TNIK: variants seen among roughly 807,000 people sequenced by gnomAD.
TNIK encodes the protein TRAF2 and NCK-interacting protein kinase.
In TNIK, 49 loss-of-function variants were observed where a neutral mutation model predicts 191.3. The observed-to-expected ratio is 0.26, with a 90% CI of 0.20 to 0.32. The LOEUF (loss-of-function observed/expected upper bound fraction) is 0.32, where lower values mean the gene tolerates loss of function less well. Among genes scored for constraint, TNIK ranks in the 10% least tolerant of loss-of-function variants. The probability of loss-of-function intolerance (pLI) is 1.00; values close to 1 mark genes in which losing one functional copy is unlikely to be tolerated. For missense variants in TNIK, 1,155 were observed against 1,702.3 expected, an observed-to-expected ratio of 0.68 and a Z score of 5.66; for synonymous variants, 594 against 600.9, an observed-to-expected ratio of 0.99 and a Z score of 0.17.
chr3:171,271,897 T>C (rs1749149683), intron 2 of TNIK, among the ~76,000 whole-genome samples: 1 of 152,246 alleles, frequency 6.6e-6, no homozygotes, highest in South Asian at 2.1e-4. Context: ...GAATTACCTT[T>C]GAGCATTAGA....
chr3:171,220,059 G>A (rs538892755), intron 3 of TNIK, among the ~76,000 whole-genome samples: 4 of 152,302 alleles, frequency 2.6e-5, no homozygotes, highest in Non-Finnish European at 4.4e-5. Flanking sequence ...ATGCTACACA[G>A]CCATAAGAAA....
chr3:171,374,158 G>A (rs551459977), intron 1 of TNIK, among the ~76,000 whole-genome samples: 3 of 152,276 alleles, frequency 2.0e-5, no homozygotes, highest in East Asian at 1.9e-4. Flanking sequence ...TAGAGCCAAA[G>A]GTCTAGCAAA....
At chr3:171,101,390 C>T in intron 22 of TNIK, 59 bp downstream of exon 22, 1 of 1,515,570 alleles carries the variant, frequency 6.6e-7, no homozygotes, top group Non-Finnish European at 8.8e-7. Context: ...ATTTTTTTGT[C>T]CTTTTATTTT....
At chr3:171,438,322 G>A (rs926161395) in intron 1 of TNIK, among the ~76,000 whole-genome samples, 45 of 152,300 alleles carry the variant, frequency 3.0e-4, no homozygotes, top group African/African-American at 8.2e-4. Context: ...CAGGGGTCCT[G>A]CACTTTGTTA....
At chr3:171,255,535 G>A (rs896447200) in intron 2 of TNIK, among the ~76,000 whole-genome samples, 1 of 152,142 alleles carries the variant, frequency 6.6e-6, no homozygotes, top group Non-Finnish European at 1.5e-5. Context: ...TCTTGCAGAG[G>A]CAAATTTCCA....
chr3:171,361,139 A>C (rs564936255), intron 2 of TNIK, among the ~76,000 whole-genome samples: 3 of 145,282 alleles, frequency 2.1e-5, no homozygotes, highest in South Asian at 2.1e-4. Context: ...GCAGCTCTCT[A>C]TCCTGGCTGT....
At chr3:171,201,652 G>A (rs922129618) in intron 4 of TNIK, among the ~76,000 whole-genome samples, 6 of 152,116 alleles carry the variant, frequency 3.9e-5, no homozygotes, top group African/African-American at 1.2e-4. Context: ...AATATAAAAT[G>A]TGTGTATAGA....
chr3:171,426,699 T>A (rs1724677708), intron 1 of TNIK, among the ~76,000 whole-genome samples: 1 of 152,090 alleles, frequency 6.6e-6, no homozygotes, highest in South Asian at 2.1e-4. Context: ...GCTTCTCCAC[T>A]CCTGGGCACC....
chr3:171,427,186 A>G (rs1724753848), intron 1 of TNIK, among the ~76,000 whole-genome samples: 1 of 152,240 alleles, frequency 6.6e-6, no homozygotes, highest in African/African-American at 2.4e-5. Context: ...GGTCTACTTC[A>G]TACCTTTCCT....
chr3:171,330,200 G>C (rs1756255857), intron 2 of TNIK, among the ~76,000 whole-genome samples: 2 of 152,200 alleles, frequency 1.3e-5, no homozygotes, highest in Admixed American at 1.3e-4. Context: ...TCTGGGAAAT[G>C]CGCTTATTAG....
chr3:171,420,905 A>T (rs938207418), intron 1 of TNIK, among the ~76,000 whole-genome samples: 3 of 152,204 alleles, frequency 2.0e-5, no homozygotes, highest in South Asian at 2.1e-4. Context: ...AGAGTGGGAC[A>T]GCTTGAGATT....
intron 2 of TNIK, among the ~76,000 whole-genome samples, chr3:171,307,092 C>T (rs1052034786): frequency 6.6e-6 from 1 of 152,182 alleles, no homozygotes; most frequent in Admixed American, 6.5e-5. Context: ...AGTCTAAAAA[C>T]ACTCAGCCCT....
intron 12 of TNIK, 24 bp downstream of exon 12, chr3:171,157,436 G>C: frequency 6.4e-7 from 1 of 1,551,430 alleles, no homozygotes; most frequent in South Asian, 1.2e-5. Context: ...CTTGGGGTCA[G>C]AGGTGGCCCG....
chr3:171,400,930 T>C (rs1180641791), intron 1 of TNIK, among the ~76,000 whole-genome samples: 2 of 152,186 alleles, frequency 1.3e-5, no homozygotes, highest in Non-Finnish European at 2.9e-5. Flanking sequence ...GTGGTGTGTA[T>C]ACCTGAGTGA....
intron 1 of TNIK, among the ~76,000 whole-genome samples, chr3:171,434,911 T>A (rs1725847324): frequency 6.6e-6 from 1 of 152,220 alleles, no homozygotes; most frequent in African/African-American, 2.4e-5. Flanking sequence ...TTAATTAGGA[T>A]GTTTGCAACT....
chr3:171,453,415 C>A (rs1380928255), intron 1 of TNIK, among the ~76,000 whole-genome samples: 1 of 151,946 alleles, frequency 6.6e-6, no homozygotes, highest in Admixed American at 6.6e-5. Context: ...TAAGACAGAG[C>A]GCCCCCTACA....
At chr3:171,196,519 C>A (rs1738690800) in intron 4 of TNIK, among the ~76,000 whole-genome samples, 2 of 151,922 alleles carry the variant, frequency 1.3e-5, no homozygotes, top group Admixed American at 1.3e-4. Context: ...CATGAGGATA[C>A]AATCAACAAA....
rs544447335 is a variant in TNIK at position 171,334,868 on chromosome 3, TAA to T, written c.123+34750_123+34751del. ...TTGAATCCTGTATAGTTGATCTTTA[TAA>T]GTTTCTTTTTTTTTTTTTTACCATA... On this transcript the variant is annotated intron_variant, in intron 2 of 32. Coordinates refer to ENST00000436636, the MANE Select transcript of TNIK (RefSeq NM_015028.4). 4.2e-4 allele frequency among the ~76,000 whole-genome samples: 47 copies of T among 111,840 alleles called. No individual in the cohort carries two copies. In the South Asian group the frequency reaches 0.014, roughly 33 times the overall value. 73.4% of individuals were successfully genotyped at this position (111,840 alleles called of 152,430 possible). A position where few individuals can be genotyped will look rare whatever the true frequency, so the allele number is the denominator to read the frequency against.
chr3:171,120,127 C>A (rs1727432163), intron 18 of TNIK, among the ~76,000 whole-genome samples: 1 of 152,066 alleles, frequency 6.6e-6, no homozygotes, highest in South Asian at 2.1e-4. Flanking sequence ...ATTCAAGAGT[C>A]TTCTCTTCAG....
Sources: gnomAD v4.1 joint callset for allele counts (sites outside exome capture counted in the v4.1 genomes callset) on GRCh38, gnomAD v4.1.1 for gene constraint, MANE v1.5 for transcripts, NCBI Gene and HGNC (gene_info 2026-07-23, HGNC 2026-07-21) for gene names.